The following RALYL variants were observed in gnomAD, a reference collection of about 807,000 sequenced individuals.
RALYL encodes the protein RALY RNA binding protein like.
RALYL carries 29 observed loss-of-function variants against 35.1 expected under a neutral mutation model. The ratio of observed to expected loss-of-function variants is 0.83; its 90% CI spans 0.61 to 1.13. The LOEUF is 1.13. Among genes scored for constraint, RALYL ranks in the 50% most tolerant of loss-of-function variants. The pLI is 0.00. For synonymous variants in RALYL, 120 were observed against 127.6 expected (o/e 0.94, Z 0.40); for missense variants, 359 against 360.4 (o/e 1.00, Z 0.03).
intron 8 of RALYL, among the ~76,000 whole-genome samples, chr8:84,911,619 T>A (rs1563853560): frequency 6.6e-6 from 1 of 152,086 alleles, no homozygotes; most frequent in Non-Finnish European, 1.5e-5. Flanking sequence ...AGTATCTATC[T>A]GGAGATAGCA....
intron 2 of RALYL, among the ~76,000 whole-genome samples, chr8:84,734,080 G>T (rs1292297946): frequency 2.6e-5 from 4 of 152,140 alleles, no homozygotes; most frequent in Non-Finnish European, 2.9e-5. Context: ...TAAAAAATGC[G>T]TGATTTATGC....
At chr8:84,788,766 C>CG (rs1820127022) in intron 3 of RALYL, among the ~76,000 whole-genome samples, 1 of 152,110 alleles carries the variant, frequency 6.6e-6, no homozygotes, top group African/African-American at 2.4e-5. Flanking sequence ...GACAGAATGC[C>CG]GAGTTCAGTA....
intron 1 of RALYL, among the ~76,000 whole-genome samples, chr8:84,428,110 A>T (rs866167060): frequency 0.042 from 6,012 of 141,662 alleles, 263 homozygotes; most frequent in African/African-American, 0.12. Flanking sequence ...TCTCTCTCAC[A>T]CACACACACA....
intron 4 of RALYL, among the ~76,000 whole-genome samples, chr8:84,842,363 T>G (rs1180302503): frequency 6.6e-6 from 1 of 151,914 alleles, no homozygotes; most frequent in African/African-American, 2.4e-5. Flanking sequence ...AACTAGAAAA[T>G]CTAGAAGAAA....
intron 1 of RALYL, among the ~76,000 whole-genome samples, chr8:84,336,412 T>C (rs1263400746): frequency 6.6e-6 from 1 of 152,128 alleles, no homozygotes. Flanking sequence ...CATGTAGACT[T>C]GTATTTAAAA....
intron 1 of RALYL, among the ~76,000 whole-genome samples, chr8:84,524,553 T>C (rs2058729967): frequency 6.6e-6 from 1 of 152,182 alleles, no homozygotes; most frequent in Non-Finnish European, 1.5e-5. Flanking sequence ...TAGATGGAAA[T>C]TCAAGACCAC....
intron 1 of RALYL, among the ~76,000 whole-genome samples, chr8:84,282,072 C>T (rs915248665): frequency 2.0e-5 from 3 of 152,012 alleles, no homozygotes; most frequent in Non-Finnish European, 4.4e-5. Flanking sequence ...AAATCTCTTG[C>T]CCCTCCTCTG....
intron 4 of RALYL, among the ~76,000 whole-genome samples, chr8:84,848,968 C>T (rs1461110572): frequency 6.6e-6 from 1 of 152,040 alleles, no homozygotes; most frequent in Non-Finnish European, 1.5e-5. Flanking sequence ...GAAAACTTTC[C>T]CTTAAATCTC....
chr8:84,390,582 T>C (rs142390250), intron 1 of RALYL, among the ~76,000 whole-genome samples: 2,601 of 152,232 alleles, frequency 0.017, 74 homozygotes, highest in African/African-American at 0.059. Flanking sequence ...AGACTGTATG[T>C]GTCGAGGAAT....
At chr8:84,617,228 G>T (rs1819968304) in intron 2 of RALYL, among the ~76,000 whole-genome samples, 1 of 151,576 alleles carries the variant, frequency 6.6e-6, no homozygotes, top group African/African-American at 2.4e-5. Context: ...CCATGAGCAT[G>T]GAATGTTCTT....
At chr8:84,837,366 AGTT>A (rs1334903610) in intron 4 of RALYL, among the ~76,000 whole-genome samples, 1 of 152,214 alleles carries the variant, frequency 6.6e-6, no homozygotes, top group Non-Finnish European at 1.5e-5. Flanking sequence ...CTCTAGTAGT[AGTT>A]ATTATTGGCA....
intron 1 of RALYL, among the ~76,000 whole-genome samples, chr8:84,311,053 CAA>C (rs34029529): frequency 1.5e-3 from 14 of 9,520 alleles, no homozygotes; most frequent in East Asian, 0.016. Flanking sequence ...GACTCCGTCT[CAA>C]AAAAAAAAAA....
chr8:84,820,865 A>G (rs1157588404), intron 4 of RALYL, among the ~76,000 whole-genome samples: 1 of 152,210 alleles, frequency 6.6e-6, no homozygotes, highest in African/African-American at 2.4e-5. Flanking sequence ...TATATGAATA[A>G]AATAGAAATG....
At chr8:84,888,533 C>T (rs576797166) in intron 8 of RALYL, among the ~76,000 whole-genome samples, 1 of 152,194 alleles carries the variant, frequency 6.6e-6, no homozygotes, top group East Asian at 1.9e-4. Flanking sequence ...TCGCCAACTT[C>T]CAAATATCTA....
chr8:84,581,107 G>C (rs969576360), intron 2 of RALYL, among the ~76,000 whole-genome samples: 7 of 152,190 alleles, frequency 4.6e-5, no homozygotes, highest in African/African-American at 1.7e-4. Context: ...AGGACTCCAA[G>C]TGCAAGTGTT....
At chr8:84,372,438 C>T (rs1855905329) in intron 1 of RALYL, among the ~76,000 whole-genome samples, 1 of 151,932 alleles carries the variant, frequency 6.6e-6, no homozygotes, top group Non-Finnish European at 1.5e-5. Flanking sequence ...CAGTAGCCTG[C>T]ATACAGTAAT....
chr8:84,362,235 G>A (rs1310808726), intron 1 of RALYL, among the ~76,000 whole-genome samples: 1 of 152,094 alleles, frequency 6.6e-6, no homozygotes, highest in Non-Finnish European at 1.5e-5. Context: ...GCCTTACCAT[G>A]GTTAAACTAT....
intron 1 of RALYL, among the ~76,000 whole-genome samples, chr8:84,315,187 C>T (rs1243375217): frequency 6.6e-6 from 1 of 152,010 alleles, no homozygotes; most frequent in Non-Finnish European, 1.5e-5. Flanking sequence ...CCCATATACA[C>T]AATCCATGTA....
chr8:84,211,952 A>G (rs1819590908), intron 1 of RALYL, among the ~76,000 whole-genome samples: 1 of 152,200 alleles, frequency 6.6e-6, no homozygotes. Flanking sequence ...ATCGCCTTTA[A>G]TAGTTACAAT....
Sources: allele counts gnomAD v4.1 joint callset (sites outside exome capture counted in the v4.1 genomes callset), GRCh38; gene constraint gnomAD v4.1.1; transcripts MANE v1.5; gene names NCBI Gene and HGNC (gene_info 2026-07-23, HGNC 2026-07-21).